The following SLCO3A1 variants were observed in gnomAD, a reference collection of about 807,000 sequenced individuals.
SLCO3A1 encodes the protein PGE1 transporter.
Under a neutral mutation model 63.1 loss-of-function variants are expected in SLCO3A1, and 27 were observed. The ratio of observed to expected loss-of-function variants is 0.43; its 90% CI spans 0.32 to 0.59. The LOEUF is 0.59. Ranked by LOEUF, SLCO3A1 falls within the 20% of genes least tolerant of loss-of-function variation. The pLI is 0.09. For missense variants in SLCO3A1, 773 were observed against 945.8 expected, an observed-to-expected ratio of 0.82 and a Z score of 2.40; for synonymous variants, 473 against 409.9, an observed-to-expected ratio of 1.15 and a Z score of -1.86.
At chr15:92,103,095 T>C (rs924759106) in intron 3 of SLCO3A1, among the ~76,000 whole-genome samples, 2 of 151,696 alleles carry the variant, frequency 1.3e-5, no homozygotes, top group Non-Finnish European at 2.9e-5. Context: ...AGCTGAGGAG[T>C]CTTCAGGGAG....
intron 7 of SLCO3A1, among the ~76,000 whole-genome samples, chr15:92,130,884 GCAAA>G (rs1467596051): frequency 2.8e-4 from 30 of 107,326 alleles, no homozygotes; most frequent in Admixed American, 1.5e-3. Flanking sequence ...CAAGTTCGGG[GCAAA>G]AAAAAAAAAA....
chr15:92,121,370 T>A (rs2151561800), intron 5 of SLCO3A1, among the ~76,000 whole-genome samples: 1 of 152,330 alleles, frequency 6.6e-6, no homozygotes, highest in East Asian at 1.9e-4. Context: ...GCAACAGACA[T>A]AGCAGTCAAA....
rs1482884642 is a variant in SLCO3A1 at position 91,886,568 on chromosome 15, G to A, written c.181-29425G>A. Among the ~76,000 whole-genome samples the A allele has an allele frequency of 1.3e-5, 2 of 152,166 alleles. No homozygotes were observed. The highest frequency in any genetic ancestry group is 1.9e-4 in the East Asian group (1 of 5,196). ...GAGAGATGGAAGATTCAGCCTCAGC[G>A]TCAGTGTTGTTTCTACGGTGTGACC... On this transcript the variant is annotated intron_variant, in intron 1 of 9. Coordinates refer to ENST00000318445, the MANE Select transcript of SLCO3A1 (RefSeq NM_013272.4). This position sits in a 1 kb window ranked among gnomAD's most constrained non-coding sequence, Gnocchi z 4.9.
intron 2 of SLCO3A1, among the ~76,000 whole-genome samples, chr15:91,964,666 G>A (rs985336917): frequency 5.3e-5 from 8 of 152,154 alleles, no homozygotes; most frequent in Admixed American, 2.0e-4. Context: ...CCCATCTCTG[G>A]TAGAGAAAGA....
chr15:92,145,510 T>C (rs976345938), intron 7 of SLCO3A1, among the ~76,000 whole-genome samples: 1 of 152,154 alleles, frequency 6.6e-6, no homozygotes, highest in South Asian at 2.1e-4. Context: ...TCTTGTCTCC[T>C]CCAGGAGGCA....
chr15:92,042,888 C>T (rs887328648), intron 2 of SLCO3A1, among the ~76,000 whole-genome samples: 4 of 151,962 alleles, frequency 2.6e-5, no homozygotes, highest in African/African-American at 4.8e-5. Flanking sequence ...TCTTTTAGGC[C>T]ATAGGAAGTC....
At chr15:91,994,592 G>A (rs919093287) in intron 2 of SLCO3A1, among the ~76,000 whole-genome samples, 1 of 114,164 alleles carries the variant, frequency 8.8e-6, no homozygotes, top group Non-Finnish European at 2.1e-5. Context: ...GAAGTGCAGG[G>A]TTAAGTTAAG....
At chr15:91,990,732 C>G (rs2046116217) in intron 2 of SLCO3A1, among the ~76,000 whole-genome samples, 1 of 152,148 alleles carries the variant, frequency 6.6e-6, no homozygotes, top group South Asian at 2.1e-4. Flanking sequence ...TTTGGACATA[C>G]CATGATCAGA....
At chr15:92,051,305 A>C (rs555815015) in intron 2 of SLCO3A1, among the ~76,000 whole-genome samples, 2 of 152,262 alleles carry the variant, frequency 1.3e-5, no homozygotes, top group South Asian at 4.1e-4. Flanking sequence ...GTGAGGGCCC[A>C]GAGGCTAGGG....
At chr15:91,896,606 A>G (rs1898010579) in intron 1 of SLCO3A1, among the ~76,000 whole-genome samples, 2 of 152,160 alleles carry the variant, frequency 1.3e-5, no homozygotes, top group Admixed American at 6.5e-5. Flanking sequence ...TTCTGTGCAC[A>G]CTGTCTTGCC....
intron 1 of SLCO3A1, among the ~76,000 whole-genome samples, chr15:91,877,290 A>T (rs889695780): frequency 6.6e-6 from 1 of 152,140 alleles, no homozygotes; most frequent in Non-Finnish European, 1.5e-5. Context: ...TAAAATTTTG[A>T]TATCAGACCT....
intron 2 of SLCO3A1, among the ~76,000 whole-genome samples, chr15:92,047,610 TA>T (rs374693324): frequency 0.017 from 622 of 36,266 alleles, no homozygotes; most frequent in Middle Eastern, 0.033. Flanking sequence ...AATATATATA[TA>T]ATATATAAAT....
At chr15:92,030,375 G>T (rs1269592806) in intron 2 of SLCO3A1, among the ~76,000 whole-genome samples, 1 of 152,176 alleles carries the variant, frequency 6.6e-6, no homozygotes, top group African/African-American at 2.4e-5. Context: ...GGGAGCTTCT[G>T]GCAGAAGCTC....
At chr15:92,049,365 C>G (rs1006645562) in intron 2 of SLCO3A1, among the ~76,000 whole-genome samples, 1 of 152,126 alleles carries the variant, frequency 6.6e-6, no homozygotes, top group African/African-American at 2.4e-5. Context: ...GCTCAAGGTT[C>G]AATAAGCGGT....
In SLCO3A1 at chr15:92,164,624, C is replaced by G. The variant is rs997139710; in HGVS notation, c.*1489C>G. 2.0e-6 allele frequency: 2 copies of G among 985,112 alleles called. No individual in the cohort carries two copies. The highest frequency in any genetic ancestry group is 2.4e-6 in the Non-Finnish European group (2 of 829,892). The allele number at this position is 985,112 out of a possible 1,614,324, so 61.0% of individuals were successfully genotyped here. Reference sequence around the variant, plus strand: ...AAGAAGTCTGTAGCATCTCTGATAACGAATAGACCCACAAGCTCCTGGAAG... The same window carrying G: ...AAGAAGTCTGTAGCATCTCTGATAAGGAATAGACCCACAAGCTCCTGGAAG... On this transcript the variant is annotated 3_prime_UTR_variant, in exon 10 of 10. Coordinates refer to ENST00000318445, the MANE Select transcript of SLCO3A1 (RefSeq NM_013272.4).
At chr15:92,145,445 G>C (rs1051089327) in intron 7 of SLCO3A1, among the ~76,000 whole-genome samples, 1 of 152,138 alleles carries the variant, frequency 6.6e-6, no homozygotes, top group African/African-American at 2.4e-5. Flanking sequence ...TCAGCTCTGC[G>C]CTAGGAAAAG....
intron 1 of SLCO3A1, among the ~76,000 whole-genome samples, chr15:91,880,399 C>CTGTGTG (rs1158728794): frequency 3.6e-4 from 41 of 114,512 alleles, no homozygotes; most frequent in East Asian, 1.5e-3. Context: ...CTCTCTCTCT[C>CTGTGTG]TCTCTCTCTC....
At chr15:92,070,462 G>GCT (rs2047202259) in intron 2 of SLCO3A1, among the ~76,000 whole-genome samples, 17 of 150,108 alleles carry the variant, frequency 1.1e-4, no homozygotes, top group Admixed American at 6.6e-5. Flanking sequence ...GGCCCACATG[G>GCT]GGAAACCCCA....
intron 7 of SLCO3A1, among the ~76,000 whole-genome samples, chr15:92,135,727 C>T (rs979813321): frequency 1.3e-5 from 2 of 152,194 alleles, no homozygotes; most frequent in Non-Finnish European, 2.9e-5. Flanking sequence ...GGAAAACACC[C>T]CACTTTATTG....
Sources: gnomAD v4.1 joint callset for allele counts (sites outside exome capture counted in the v4.1 genomes callset) on GRCh38, gnomAD v4.1.1 for gene constraint, Gnocchi (gnomAD v3.1) non-coding constraint, MANE v1.5 for transcripts, NCBI Gene and HGNC (gene_info 2026-07-23, HGNC 2026-07-21) for gene names.